IMPG2: variants seen among roughly 807,000 people sequenced by gnomAD.
IMPG2 encodes the protein interphotoreceptor matrix proteoglycan 2.
IMPG2 carries 91 observed loss-of-function variants against 129.2 expected under a neutral mutation model. The ratio of observed to expected loss-of-function variants is 0.70; its 90% CI spans 0.59 to 0.84. The LOEUF (loss-of-function observed/expected upper bound fraction) is 0.84. IMPG2 is among the 40% of genes least tolerant of loss of function. IMPG2 has a pLI of 0.00. For synonymous variants in IMPG2, 510 were observed against 517.7 expected (o/e 0.99, Z 0.20); for missense variants, 1,430 against 1,461.7 (o/e 0.98, Z 0.35).
chr3:101,318,972 T>C (rs185289100), intron 2 of IMPG2, among the ~76,000 whole-genome samples: 34 of 152,214 alleles, frequency 2.2e-4, no homozygotes, highest in Admixed American at 7.9e-4. Flanking sequence ...GTGTACCAAC[T>C]AGAGAGCAAC....
chr3:101,256,036 GT>G (rs1235872658), intron 10 of IMPG2, among the ~76,000 whole-genome samples: 1 of 148,824 alleles, frequency 6.7e-6, no homozygotes, highest in African/African-American at 2.5e-5. Flanking sequence ...GCAATGTAAA[GT>G]TTTAGTCTGG....
chr3:101,319,832 G>A lies in IMPG2; in HGVS notation c.86C>T (p.Ala29Val). 1 of 1,610,638 alleles carries A rather than the reference G, an allele frequency of 6.2e-7. No individual in the cohort carries two copies. The highest frequency in any genetic ancestry group is 8.5e-7 in the Non-Finnish European group (1 of 1,179,312). ...CTCCTCTATAGATAAGTAGGTTTGT[G>A]CTACAGAGTGAAAGTATAGTCAAGT... ...LIEGDFPSLT[A>V]QTYLSIEEIQ... Residue 29 changes from alanine to valine, a missense_variant and splice_region_variant, in exon 2 of 19, where the codon GCA becomes GTA. Coordinates refer to ENST00000193391, the MANE Select transcript of IMPG2 (RefSeq NM_016247.4).
intron 4 of IMPG2, among the ~76,000 whole-genome samples, chr3:101,281,989 A>G (rs1706897825): frequency 6.6e-6 from 1 of 152,224 alleles, no homozygotes; most frequent in Admixed American, 6.5e-5. Flanking sequence ...AAGATAATCT[A>G]TGTTGTTTTA....
chr3:101,264,802 A>G (rs1706705494), intron 9 of IMPG2, among the ~76,000 whole-genome samples: 1 of 152,080 alleles, frequency 6.6e-6, no homozygotes, highest in Non-Finnish European at 1.5e-5. Context: ...AGAAAAACCC[A>G]AAGACTCCAT....
Position 101,320,406 on chromosome 3 carries a change from G to C in IMPG2, c.-34C>G. The C allele has an allele frequency of 7.4e-7, 1 of 1,345,678 alleles. No individual in the cohort carries two copies. The highest frequency in any genetic ancestry group is 2.3e-5 in the East Asian group (1 of 43,218). The allele number at this position is 1,345,678 out of a possible 1,614,324, so 83.4% of individuals were successfully genotyped here. On this transcript the variant is annotated 5_prime_UTR_variant, in exon 1 of 19. Coordinates refer to ENST00000193391, the MANE Select transcript of IMPG2 (RefSeq NM_016247.4). ...AAACCAAAGGAATGAGGAGAGGACA[G>C]AATCCTTAATTGAGTGTCCAAATCC...
intron 9 of IMPG2, among the ~76,000 whole-genome samples, chr3:101,258,436 T>C (rs1368700749): frequency 2.0e-5 from 3 of 152,096 alleles, no homozygotes; most frequent in Non-Finnish European, 4.4e-5. Context: ...CTTGGCCTGG[T>C]AGGAAAAATA....
At position 101,320,405 on chromosome 3, in the gene IMPG2, A is replaced by G. The variant is rs1336101085; in HGVS notation, c.-33T>C. 7.4e-7 allele frequency: 1 copy of G among 1,346,466 alleles called. No homozygotes were observed. The highest frequency in any genetic ancestry group is 1.4e-5 in the African/African-American group (1 of 69,386). 83.4% of individuals were successfully genotyped at this position (1,346,466 alleles called of 1,614,324 possible). ...AAAACCAAAGGAATGAGGAGAGGAC[A>G]GAATCCTTAATTGAGTGTCCAAATC... On this transcript the variant is annotated 5_prime_UTR_variant, in exon 1 of 19. Coordinates refer to ENST00000193391, the MANE Select transcript of IMPG2 (RefSeq NM_016247.4).
Position 101,257,626 on chromosome 3 carries a change from A to G in IMPG2, c.1056T>C (p.Ser352=). 6.2e-7 allele frequency: 1 copy of G among 1,613,474 alleles called. No individual in the cohort carries two copies. Among genetic ancestry groups the G allele is most frequent in the Non-Finnish European group, 8.5e-7 (1 of 1,179,594 alleles). Residue 352 remains serine, a synonymous_variant, in exon 10 of 19, where the codon AGT becomes AGC. Transcript: ENST00000193391. ...TCTCAGCAATATAATCTCTGAAGTTACTGATTGTATAAACAACAGTGGGTT... is the reference window on the plus strand; with the variant it reads ...TCTCAGCAATATAATCTCTGAAGTTGCTGATTGTATAAACAACAGTGGGTT... ...DDKPTVVYTI[S]NFRDYIAETL... is the part of the protein sequence containing the mutation.
At chr3:101,281,874 G>A (rs139675777) in intron 4 of IMPG2, among the ~76,000 whole-genome samples, 111 of 152,268 alleles carry the variant, frequency 7.3e-4, no homozygotes, top group African/African-American at 2.4e-3. Flanking sequence ...GTCTGTAGAA[G>A]CTAGAAAAGG....
At chr3:101,312,178 A>C (rs1707269305) in intron 2 of IMPG2, among the ~76,000 whole-genome samples, 1 of 152,118 alleles carries the variant, frequency 6.6e-6, no homozygotes, top group Admixed American at 6.5e-5. Context: ...AAATAGATAA[A>C]TTGGACTTCA....
At chr3:101,267,479 C>A in intron 9 of IMPG2, 32 bp downstream of exon 9, 2 of 1,595,782 alleles carry the variant, frequency 1.3e-6, no homozygotes, top group South Asian at 1.1e-5. Flanking sequence ...TCTCCCAATT[C>A]AATGGACATT....
intron 4 of IMPG2, among the ~76,000 whole-genome samples, chr3:101,285,141 C>G (rs948315341): frequency 6.6e-6 from 1 of 152,144 alleles, no homozygotes; most frequent in African/African-American, 2.4e-5. Context: ...ATGTAAAGCT[C>G]TATATGTCTA....
At chr3:101,291,431 A>C (rs768244936) in intron 4 of IMPG2, 48 bp downstream of exon 4, 3 of 1,516,884 alleles carry the variant, frequency 2.0e-6, no homozygotes, top group Non-Finnish European at 2.7e-6. Flanking sequence ...TTAGGCTATG[A>C]CACATCTGTG....
At position 101,226,821 on chromosome 3, in the gene IMPG2, A is replaced by G; in HGVS notation, c.*148T>C. 1.3e-6 allele frequency: 1 copy of G among 769,976 alleles called. No individual in the cohort carries two copies. The highest frequency in any genetic ancestry group is 2.2e-6 in the Non-Finnish European group (1 of 463,910). 47.7% of individuals were successfully genotyped at this position (769,976 alleles called of 1,614,324 possible). A position where few individuals can be genotyped will look rare whatever the true frequency, so the allele number is the denominator to read the frequency against. On this transcript the variant is annotated 3_prime_UTR_variant, in exon 19 of 19. Transcript: ENST00000193391. ...ACTACATTCTGAAAACTTAAGCTGA[A>G]AAAAAAACAGTGTGCCCTATATTTA...
chr3:101,309,204 T>C (rs1707235954), intron 2 of IMPG2, among the ~76,000 whole-genome samples: 1 of 152,162 alleles, frequency 6.6e-6, no homozygotes, highest in South Asian at 2.1e-4. Context: ...CTCCAAACCT[T>C]TCCAACCTCT....
Position 101,244,537 on chromosome 3 carries a change from G to A in IMPG2, c.1794C>T (p.Asp598=), listed in dbSNP as rs371805004. The A allele has an allele frequency of 1.4e-4, 216 of 1,597,188 alleles. No individual in the cohort carries two copies. The highest frequency in any genetic ancestry group is 1.7e-4 in the Non-Finnish European group (196 of 1,171,514). ...GCCCAGACCCTGAACCTAAACCACC[G>A]TCAAATATTAACTCTTTTTCCATGG... is the stretch of plus-strand genomic sequence containing the variant. ...DASMEKELIF[D]GGLGSGSGQK... The change falls in exon 13 of 19, where the codon GAC becomes GAT. Residue 598 remains aspartate (D), a synonymous_variant. Coordinates refer to ENST00000193391, the MANE Select transcript of IMPG2 (RefSeq NM_016247.4).
chr3:101,249,685 G>C (rs1284606467), intron 11 of IMPG2, among the ~76,000 whole-genome samples: 1 of 151,750 alleles, frequency 6.6e-6, no homozygotes, highest in East Asian at 1.9e-4. Flanking sequence ...TAAAGAAAGA[G>C]GAAGCCAGAG....
At chr3:101,313,782 T>C (rs2058768809) in intron 2 of IMPG2, among the ~76,000 whole-genome samples, 1 of 152,128 alleles carries the variant, frequency 6.6e-6, no homozygotes, top group East Asian at 1.9e-4. Flanking sequence ...GGCATAGAAA[T>C]TGTTAAGTAG....
In IMPG2 at chr3:101,304,258, C is replaced by T. The variant is rs1429319626; in HGVS notation, c.389G>A (p.Gly130Glu). The T allele has an allele frequency of 1.3e-5, 21 of 1,613,796 alleles. No individual in the cohort carries two copies. In the Admixed American group the frequency reaches 3.3e-4, roughly 26 times the overall value. ...CATCCAGTAATGATATTCCTCACGCCCAGGAAGTCGATCCCAAAAAGTCCT... is the reference window on the plus strand; with the variant it reads ...CATCCAGTAATGATATTCCTCACGCTCAGGAAGTCGATCCCAAAAAGTCCT... ...AFRTFWDRLP[G>E]REEYHYWMNL... is the part of the protein sequence containing the mutation. Residue 130 changes from glycine (G) to glutamate (E), a missense_variant, in exon 3 of 19, where the codon GGG (glycine) becomes GAG (glutamate). By Grantham distance (98) the Gly-to-Glu change is moderately conservative. Coordinates refer to ENST00000193391, the MANE Select transcript of IMPG2 (RefSeq NM_016247.4).
Sources: gnomAD v4.1 joint callset for allele counts (sites outside exome capture counted in the v4.1 genomes callset) on GRCh38, gnomAD v4.1.1 for gene constraint, MANE v1.5 for transcripts, NCBI Gene and HGNC (gene_info 2026-07-23, HGNC 2026-07-21) for gene names.